CBX5: variants seen among roughly 807,000 people sequenced by gnomAD.
CBX5 encodes the protein chromobox protein homolog 5.
CBX5 carries 7 observed loss-of-function variants against 20.7 expected under a neutral mutation model. The ratio of observed to expected loss-of-function variants is 0.34; its 90% CI spans 0.19 to 0.63. The LOEUF is 0.63. Ranked by LOEUF, CBX5 falls within the 30% of genes least tolerant of loss-of-function variation. The pLI is 0.75. For synonymous variants in CBX5, 78 were observed against 77.0 expected, an observed-to-expected ratio of 1.01 and a Z score of -0.07; for missense variants, 110 against 224.1, an observed-to-expected ratio of 0.49 and a Z score of 3.25.
In CBX5 at chr12:54,238,598, G is replaced by C. The variant is rs968235869; in HGVS notation, c.*3157C>G. 6.6e-6 allele frequency: 1 copy of C among 152,036 alleles called. No individual in the cohort carries two copies. The highest frequency in any genetic ancestry group is 2.4e-5 in the African/African-American group (1 of 41,362). 9.4% of individuals were successfully genotyped at this position (152,036 alleles called of 1,614,324 possible). ...TGAAAGACAATACAATTTTAGTACT[G>C]GGGGAAAAAAAACTAGATTGTTATT... is the stretch of plus-strand genomic sequence containing the variant. On this transcript the variant is annotated 3_prime_UTR_variant, in exon 5 of 5. Coordinates refer to ENST00000209875, the MANE Select transcript of CBX5 (RefSeq NM_012117.3).
At chr12:54,257,757 G>T in intron 1 of CBX5, 65 bp from the exon 2 acceptor site, 4 of 1,267,498 alleles carry the variant, frequency 3.2e-6, no homozygotes, top group Non-Finnish European at 4.5e-6. Context: ...GTCTTTTCTT[G>T]ATGGGATGAA....
rs1216079016 is a variant in CBX5 at position 54,238,471 on chromosome 12, GCTT to G, written c.*3281_*3283del. On this transcript the variant is annotated 3_prime_UTR_variant, in exon 5 of 5. Coordinates refer to ENST00000209875, the MANE Select transcript of CBX5 (RefSeq NM_012117.3). The stretch of plus-strand genomic sequence containing the variant: ...TAAATTTGAATCTGGATCCTATATA[GCTT>G]CTTCTCTGGGATCTACTGAGGAGTG... The G allele has an allele frequency of 6.6e-6, 1 of 152,190 alleles. No individual in the cohort carries two copies. The allele number at this position is 152,190 out of a possible 1,614,324, so 9.4% of individuals were successfully genotyped here.
At chr12:54,249,891 T>G (rs940115440) in intron 3 of CBX5, among the ~76,000 whole-genome samples, 1 of 151,918 alleles carries the variant, frequency 6.6e-6, no homozygotes, top group Non-Finnish European at 1.5e-5. Flanking sequence ...AAATAATAGA[T>G]CAAGAGAATA....
At chr12:54,252,268 G>A (rs755779447) in intron 2 of CBX5, 41 bp from the exon 3 acceptor site, 3 of 1,450,908 alleles carry the variant, frequency 2.1e-6, no homozygotes, top group East Asian at 2.4e-5. Flanking sequence ...AAAAGGGGGG[G>A]GTAAAGAATG....
intron 1 of CBX5, chr12:54,279,106 C>A (rs76753479): frequency 6.6e-6 from 1 of 152,170 alleles, no homozygotes; most frequent in South Asian, 2.1e-4. Flanking sequence ...AGGATTGACA[C>A]TTTGGTGTGT....
rs987033342 is a variant in CBX5, at chr12:54,235,298, T to C, written c.*6457A>G. Reference sequence around the variant, plus strand: ...TGTATTTCTGGCAAAGGTTTCCACATAACTGATACAATTCTCTGCTTAGAA... The same window carrying C: ...TGTATTTCTGGCAAAGGTTTCCACACAACTGATACAATTCTCTGCTTAGAA... On this transcript the variant is annotated 3_prime_UTR_variant, in exon 5 of 5. Transcript: ENST00000209875. 5.9e-5 allele frequency: 9 copies of C among 152,218 alleles called. No individual in the cohort carries two copies. Among genetic ancestry groups the C allele is most frequent in the African/African-American group, 2.2e-4 (9 of 41,446 alleles). 9.4% of individuals were successfully genotyped at this position (152,218 alleles called of 1,614,324 possible).
At chr12:54,276,208 CAT>C (rs1177377301) in intron 1 of CBX5, among the ~76,000 whole-genome samples, 1 of 152,086 alleles carries the variant, frequency 6.6e-6, no homozygotes, top group Admixed American at 6.6e-5. Flanking sequence ...AATCTGTTTA[CAT>C]AGATACTCCT....
intron 3 of CBX5, among the ~76,000 whole-genome samples, chr12:54,251,445 G>A (rs1240396197): frequency 4.0e-5 from 6 of 151,064 alleles, no homozygotes; most frequent in African/African-American, 1.5e-4. Context: ...CGTGAACCCG[G>A]GAGGCAGAGC....
At chr12:54,244,248 C>T (rs1943709723) in intron 4 of CBX5, among the ~76,000 whole-genome samples, 1 of 151,176 alleles carries the variant, frequency 6.6e-6, no homozygotes, top group African/African-American at 2.4e-5. Context: ...TTGTGATCCG[C>T]CCGTCTCGGC....
At position 54,235,375 on chromosome 12, in the gene CBX5, GA is replaced by G. The variant is rs1943609235; in HGVS notation, c.*6379del. ...CACGCCTGTAATCCCAGCACTCTGG[GA>G]GGCCGAGGTGGGTGGATCATGAGGT... On this transcript the variant is annotated 3_prime_UTR_variant, in exon 5 of 5. Coordinates refer to ENST00000209875, the MANE Select transcript of CBX5 (RefSeq NM_012117.3). 6.6e-6 allele frequency: 1 copy of G among 152,100 alleles called. No homozygotes were observed. The highest frequency in any genetic ancestry group is 1.5e-5 in the Non-Finnish European group (1 of 68,048). The allele number at this position is 152,100 out of a possible 1,614,324, so 9.4% of individuals were successfully genotyped here.
At chr12:54,250,958 C>T (rs573483558) in intron 3 of CBX5, among the ~76,000 whole-genome samples, 64 of 151,652 alleles carry the variant, frequency 4.2e-4, no homozygotes, top group African/African-American at 1.1e-3. Flanking sequence ...GGTGAAACCC[C>T]GTCTCTACTA....
intron 1 of CBX5, among the ~76,000 whole-genome samples, chr12:54,258,961 C>T (rs1439779208): frequency 1.3e-5 from 2 of 151,578 alleles, no homozygotes; most frequent in Non-Finnish European, 1.5e-5. Flanking sequence ...AAAATTATTA[C>T]AAGAATATAT....
In CBX5 at chr12:54,241,744, C is replaced by A. The variant is rs767278537; in HGVS notation, c.*11G>T. On this transcript the variant is annotated 3_prime_UTR_variant, in exon 5 of 5. Transcript: ENST00000209875. ...ATGTACAAAGAGAAATGACAGAGAC[C>A]ATCCCCTCCTTTAGCTCTTTGCTGT... 70 of 1,605,948 alleles carry A rather than the reference C, an allele frequency of 4.4e-5. No homozygotes were observed. The highest frequency in any genetic ancestry group is 5.9e-5 in the Non-Finnish European group (69 of 1,177,632).
Position 54,236,627 on chromosome 12 carries a change from C to A in CBX5, c.*5128G>T, listed in dbSNP as rs556589968. 1.3e-5 allele frequency: 2 copies of A among 152,312 alleles called. No individual in the cohort carries two copies. Among genetic ancestry groups the A allele is most frequent in the South Asian group, 4.1e-4 (2 of 4,830 alleles). The allele number at this position is 152,312 out of a possible 1,614,324, so 9.4% of individuals were successfully genotyped here. On this transcript the variant is annotated 3_prime_UTR_variant, in exon 5 of 5. Transcript: ENST00000209875. ...CTGATTACAAAAGTACGGATCTCAACACTATATTTTTTATTCTAAAATCTC... is the reference window on the plus strand; with the variant it reads ...CTGATTACAAAAGTACGGATCTCAAAACTATATTTTTTATTCTAAAATCTC...
At chr12:54,246,432 C>T (rs1222245903) in intron 3 of CBX5, among the ~76,000 whole-genome samples, 2 of 152,110 alleles carry the variant, frequency 1.3e-5, no homozygotes. Context: ...ATTATCTTTC[C>T]TGGAATTCCT....
Position 54,231,624 on chromosome 12 carries a change from A to G in CBX5, c.*10131T>C, listed in dbSNP as rs554900314. 6.5e-6 allele frequency: 1 copy of G among 152,698 alleles called. No individual in the cohort carries two copies. Among genetic ancestry groups the G allele is most frequent in the African/African-American group, 2.4e-5 (1 of 41,592 alleles). The allele number at this position is 152,698 out of a possible 1,614,324, so 9.5% of individuals were successfully genotyped here. ...GCTGCGCCCCTAAACTGAGATGGAAAGAGTAAGGCTCTTGAGCCCACACCT... is the reference window on the plus strand; with the variant it reads ...GCTGCGCCCCTAAACTGAGATGGAAGGAGTAAGGCTCTTGAGCCCACACCT... On this transcript the variant is annotated 3_prime_UTR_variant, in exon 5 of 5. Transcript: ENST00000209875.
At chr12:54,248,137 C>T (rs1013327575) in intron 3 of CBX5, among the ~76,000 whole-genome samples, 1 of 152,066 alleles carries the variant, frequency 6.6e-6, no homozygotes, top group East Asian at 1.9e-4. Flanking sequence ...GCCATCACAC[C>T]CGGCTACGCC....
intron 1 of CBX5, among the ~76,000 whole-genome samples, chr12:54,267,989 C>G (rs749701112): frequency 6.6e-6 from 1 of 152,066 alleles, no homozygotes; most frequent in Non-Finnish European, 1.5e-5. Context: ...ACCAAAAATA[C>G]AAACATTAGT....
chr12:54,254,414 C>T (rs1296853318), intron 2 of CBX5, among the ~76,000 whole-genome samples: 1 of 150,272 alleles, frequency 6.7e-6, no homozygotes, highest in African/African-American at 2.5e-5. Context: ...AAGTAGAAAG[C>T]AGAAAGACGG....
Sources: allele counts gnomAD v4.1 joint callset (sites outside exome capture counted in the v4.1 genomes callset), GRCh38; gene constraint gnomAD v4.1.1; transcripts MANE v1.5; gene names NCBI Gene and HGNC (gene_info 2026-07-23, HGNC 2026-07-21).